Variants in MYT1 observed in about 807,000 individuals in gnomAD.
MYT1 encodes myelin transcription factor 1, also known as myelin transcription factor I.
MYT1 carries 23 observed loss-of-function variants against 123.0 expected under a neutral mutation model. The ratio of observed to expected loss-of-function variants is 0.19; its 90% CI spans 0.13 to 0.26. MYT1 has a LOEUF of 0.26. Among genes scored for constraint, MYT1 ranks in the 10% least tolerant of loss-of-function variants. The pLI, the probability that MYT1 is intolerant of heterozygous loss-of-function variation, is 1.00. For synonymous variants in MYT1, 518 were observed against 575.3 expected (o/e 0.90, Z 1.43); for missense variants, 1,125 against 1,472.5 (o/e 0.76, Z 3.86).
In MYT1 at chr20:64,202,049, CTCTGCGTGTCGGGAA is replaced by C. The variant is rs1470401212; in HGVS notation, c.86+2128_86+2142del. On this transcript the variant is annotated intron_variant, in intron 4 of 22. Coordinates refer to ENST00000328439, the MANE Select transcript of MYT1 (RefSeq NM_004535.3). The surrounding 1 kb of genome is among the most constrained non-coding windows in gnomAD (Gnocchi z 5.0). ...TCGGGAACCCCCGCGTGTCGGGAAC[CTCTGCGTGTCGGGAA>C]CCCCTGTGTGCAGGACTTTCTCTGT... 7.6e-4 allele frequency among the ~76,000 whole-genome samples: 116 copies of C among 151,664 alleles called. 1 individual carries two copies. Among genetic ancestry groups the C allele is most frequent in the African/African-American group, 2.7e-3 (113 of 41,424 alleles).
intron 2 of MYT1, among the ~76,000 whole-genome samples, chr20:64,198,242 G>A (rs959653756): frequency 5.0e-5 from 7 of 139,686 alleles, no homozygotes; most frequent in East Asian, 2.1e-4. Flanking sequence ...AGCCGAGATC[G>A]CGCCACTGCA....
At chr20:64,239,627 G>A in intron 21 of MYT1, 133 bp from the exon 22 acceptor site, 1 of 1,299,392 alleles carries the variant, frequency 7.7e-7, no homozygotes, top group Non-Finnish European at 1.0e-6. Context: ...CTACAGGAAG[G>A]CAGGGTCCCT....
intron 18 of MYT1, among the ~76,000 whole-genome samples, chr20:64,228,472 G>C (rs903323999): frequency 3.3e-5 from 5 of 152,230 alleles, no homozygotes; most frequent in African/African-American, 1.2e-4. Flanking sequence ...CTGGGAGCCA[G>C]ACACTGTTGG....
At chr20:64,223,079 C>T in intron 14 of MYT1, 32 bp from the exon 15 acceptor site, 1 of 1,613,708 alleles carries the variant, frequency 6.2e-7, no homozygotes, top group African/African-American at 1.3e-5. Context: ...ACACACCACT[C>T]TCCGGTCTGA....
rs35969679 is a variant in MYT1 at position 64,236,212 on chromosome 20, C to A, written c.2898-343C>A. ...GATGGCCGTGGTGGGTGACCCTGGG[C>A]TGGCTGTGGTGGGTGACCCTGGGAT... On this transcript the variant is annotated intron_variant, in intron 19 of 22. Transcript: ENST00000328439. Among the ~76,000 whole-genome samples the A allele has an allele frequency of 4.0e-3, 390 of 98,442 alleles. 2 individuals carry two copies. Among genetic ancestry groups the A allele is most frequent in the Admixed American group, 5.5e-3 (53 of 9,678 alleles). 64.6% of individuals were successfully genotyped at this position (98,442 alleles called of 152,430 possible). A position where few individuals can be genotyped will look rare whatever the true frequency, so the allele number is the denominator to read the frequency against.
chr20:64,222,590 G>C (rs1181274279), intron 14 of MYT1, among the ~76,000 whole-genome samples: 1 of 152,250 alleles, frequency 6.6e-6, no homozygotes, highest in African/African-American at 2.4e-5. Flanking sequence ...CTTCTGGTCA[G>C]CCTTCATTGC....
chr20:64,219,973 A>G lies in MYT1; in HGVS notation c.2232A>G (p.Glu744=). Residue 744 remains glutamate (E), a synonymous_variant, in exon 13 of 23, where the codon GAA becomes GAG. Transcript: ENST00000328439. ...AGCCTAGCCGCCTGAGAGAGGAGGA[A>G]CCTGAGGAGGTGGGTGCAGGCGCCT... ...YTKPSRLREE[E]PEESEPAAHS... is the part of the protein sequence containing the mutation. 6.7e-7 allele frequency: 1 copy of G among 1,497,404 alleles called. No homozygotes were observed. The highest frequency in any genetic ancestry group is 8.9e-7 in the Non-Finnish European group (1 of 1,120,026). 92.8% of individuals were successfully genotyped at this position (1,497,404 alleles called of 1,614,324 possible).
In MYT1 at chr20:64,227,950, A is replaced by T; in HGVS notation, c.2654A>T (p.Lys885Met). The T allele has an allele frequency of 6.2e-7, 1 of 1,614,110 alleles. No homozygotes were observed. Among genetic ancestry groups the T allele is most frequent in the Non-Finnish European group, 8.5e-7 (1 of 1,179,996 alleles). Residue 885 changes from lysine (K) to methionine (M), a missense_variant, in exon 18 of 23, where the codon AAG becomes ATG. Lys to Met is a moderately conservative substitution (Grantham distance 95). Around this residue, in one of 4 missense-constraint regions of MYT1, gnomAD observed 243 missense variants for 323.1 expected, o/e 0.75. Transcript: ENST00000328439. The part of the protein sequence containing the change: ...GVKVAPTKDD[K>M]EDPELMKCPV... ...AAGGTGGCACCCACCAAGGACGACAAGGAGGACCCCGAGCTGATGAAGTAC... is the reference window on the plus strand; with the variant it reads ...AAGGTGGCACCCACCAAGGACGACATGGAGGACCCCGAGCTGATGAAGTAC...
Position 64,219,838 on chromosome 20 carries a change from C to G in MYT1, c.2097C>G (p.Asp699Glu). The G allele has an allele frequency of 6.2e-7, 1 of 1,610,316 alleles. No individual in the cohort carries two copies. The highest frequency in any genetic ancestry group is 8.5e-7 in the Non-Finnish European group (1 of 1,178,322). Reference sequence around the variant, plus strand: ...GCAGCCCCGGTGTGAAGTCTCCCGACGCCTCCCAGCGCCACAGCAGCACCA... The same window carrying G: ...GCAGCCCCGGTGTGAAGTCTCCCGAGGCCTCCCAGCGCCACAGCAGCACCA... Reference protein sequence around the residue: ...CSSSPGVKSPDASQRHSSTSA... With the variant: ...CSSSPGVKSPEASQRHSSTSA... Residue 699 changes from aspartate to glutamate, a missense_variant, in exon 13 of 23, where the codon GAC becomes GAG. By Grantham distance (45) the Asp-to-Glu change is conservative. This residue lies in a region of MYT1 where 429 missense variants were observed against 604.1 expected (regional missense o/e 0.71). Coordinates refer to ENST00000328439, the MANE Select transcript of MYT1 (RefSeq NM_004535.3).
chr20:64,221,400 G>A (rs1373330976), intron 13 of MYT1, among the ~76,000 whole-genome samples: 5 of 152,258 alleles, frequency 3.3e-5, no homozygotes, highest in African/African-American at 1.2e-4. Context: ...TCAAGGCATC[G>A]CACTGGTGGG....
At chr20:64,239,693 C>T in intron 21 of MYT1, 67 bp from the exon 22 acceptor site, 1 of 1,601,986 alleles carries the variant, frequency 6.2e-7, no homozygotes, top group Non-Finnish European at 8.5e-7. Context: ...GAGAGGCAGC[C>T]CAGAGAGGAC....
chr20:64,240,445 C>T lies in MYT1; in HGVS notation c.3363C>T (p.Val1121=), dbSNP rs763939118. ...SIKQAVRGIQ[V] ...AGCAGGCTGTGAGGGGCATCCAGGT[C>T]TAGGCCGTGTGGTACCCAGAAGTGT... is the stretch of plus-strand genomic sequence containing the variant. Residue 1121 remains valine (V), a synonymous_variant, in exon 23 of 23, where the codon GTC becomes GTT. Transcript: ENST00000328439. 1.3e-5 allele frequency: 21 copies of T among 1,612,252 alleles called. No homozygotes were observed. Among genetic ancestry groups the T allele is most frequent in the Non-Finnish European group, 1.7e-5 (20 of 1,179,534 alleles).
intron 6 of MYT1, 92 bp downstream of exon 6, chr20:64,205,892 C>T: frequency 6.5e-7 from 1 of 1,536,206 alleles, no homozygotes; most frequent in South Asian, 1.3e-5. Context: ...TCACTCCGGG[C>T]AAGAGAAAGC....
intron 1 of MYT1, among the ~76,000 whole-genome samples, chr20:64,177,508 C>G (rs931037887): frequency 1.4e-5 from 2 of 141,162 alleles, no homozygotes; most frequent in African/African-American, 2.6e-5. Context: ...GACTGTGGCC[C>G]CCCAGGGTGT....
chr20:64,234,313 G>GT (rs1984430134), intron 19 of MYT1, among the ~76,000 whole-genome samples: 1 of 145,436 alleles, frequency 6.9e-6, no homozygotes, highest in African/African-American at 2.7e-5. Context: ...TCCTCTGGGA[G>GT]GTCAGGGCTG....
At position 64,232,423 on chromosome 20, in the gene MYT1, A is replaced by C. The variant is rs752775135; in HGVS notation, c.2897+38A>C. On this transcript the variant is annotated intron_variant, in intron 19 of 22. Transcript: ENST00000328439. The surrounding 1 kb of genome is among the most constrained non-coding windows in gnomAD (Gnocchi z 6.9). ...GCAGGTCCTGCCCCTCTGTGCAGTC[A>C]GTAGGGACCCTCGCCTGGGGCCTGG... 184 of 1,596,462 alleles carry C rather than the reference A, an allele frequency of 1.2e-4. No homozygotes were observed. Among genetic ancestry groups the C allele is most frequent in the Non-Finnish European group, 1.5e-4 (173 of 1,165,746 alleles).
rs761462324 is a variant in MYT1 at position 64,167,384 on chromosome 20, A to C, written c.-99+2645A>C. 6.4e-4 allele frequency among the ~76,000 whole-genome samples: 97 copies of C among 152,308 alleles called. No homozygotes were observed. Among genetic ancestry groups the C allele is most frequent in the South Asian group, 1.2e-3 (6 of 4,824 alleles). ...CCACCCAGTCCCTCTGTCGGGGCTC[A>C]GGGTGGGGATGAGACCGGGAACAAC... On this transcript the variant is annotated intron_variant, in intron 1 of 22. Coordinates refer to ENST00000328439, the MANE Select transcript of MYT1 (RefSeq NM_004535.3). This position sits in a 1 kb window ranked among gnomAD's most constrained non-coding sequence, Gnocchi z 6.3.
chr20:64,229,160 C>G (rs1292329776), intron 18 of MYT1, among the ~76,000 whole-genome samples: 1 of 152,176 alleles, frequency 6.6e-6, no homozygotes, highest in Non-Finnish European at 1.5e-5. Flanking sequence ...TACAATAAAA[C>G]TGTAATGAAT....
At chr20:64,227,853 C>G (rs778554065) in intron 17 of MYT1, 35 bp from the exon 18 acceptor site, 6 of 1,597,578 alleles carry the variant, frequency 3.8e-6, no homozygotes, top group Non-Finnish European at 1.7e-6. Context: ...GCGGTTCCAG[C>G]ACTAAGGTGG....
Sources: allele counts gnomAD v4.1 joint callset (sites outside exome capture counted in the v4.1 genomes callset), GRCh38; gene constraint gnomAD v4.1.1; regional missense constraint gnomAD v4.1.1; non-coding constraint Gnocchi (gnomAD v3.1); transcripts MANE v1.5; gene names NCBI Gene and HGNC (gene_info 2026-07-23, HGNC 2026-07-21).